Variants in CBL observed in about 807,000 individuals in gnomAD.
The protein encoded by CBL is E3 ubiquitin-protein ligase CBL.
Under a neutral mutation model 96.9 loss-of-function variants are expected in CBL, and 45 were observed. That is an observed-to-expected ratio of 0.46 (90% CI 0.37 to 0.60). The LOEUF (loss-of-function observed/expected upper bound fraction) is 0.60. Among genes scored for constraint, CBL ranks in the 20% least tolerant of loss-of-function variants. The probability of loss-of-function intolerance (pLI) is 0.00; values close to 1 mark genes in which losing one functional copy is unlikely to be tolerated. For synonymous variants in CBL, 420 were observed against 426.8 expected (o/e 0.98, Z 0.20); for missense variants, 1,024 against 1,143.5 (o/e 0.90, Z 1.51).
chr11:119,273,567 C>T (rs531022294), intron 3 of CBL, among the ~76,000 whole-genome samples: 20 of 152,242 alleles, frequency 1.3e-4, no homozygotes, highest in African/African-American at 4.6e-4. Flanking sequence ...ACTAATTAGT[C>T]TGGCTAATTT....
intron 12 of CBL, among the ~76,000 whole-genome samples, chr11:119,296,283 G>T (rs1271774405): frequency 6.6e-6 from 1 of 152,140 alleles, no homozygotes; most frequent in East Asian, 1.9e-4. Flanking sequence ...ATTTAGTGGG[G>T]TGTTTTTGTA....
At chr11:119,293,095 C>T (rs531782413) in intron 12 of CBL, among the ~76,000 whole-genome samples, 2 of 146,744 alleles carry the variant, frequency 1.4e-5, no homozygotes, top group African/African-American at 5.0e-5. Flanking sequence ...AAAAATGTAT[C>T]GATTCCATCC....
rs187396089 is a variant in CBL, at chr11:119,227,070, G to T, written c.196-5378G>T. ...ATTTGGGATTTTTCGACTTTATGATGGTGCAAAAGTGATAGCTATTCAGTG... is the reference window on the plus strand; with the variant it reads ...ATTTGGGATTTTTCGACTTTATGATTGTGCAAAAGTGATAGCTATTCAGTG... On this transcript the variant is annotated intron_variant, in intron 1 of 15. Coordinates refer to ENST00000264033, the MANE Select transcript of CBL (RefSeq NM_005188.4). 8.5e-4 allele frequency among the ~76,000 whole-genome samples: 130 copies of T among 152,218 alleles called. 1 individual carries two copies. Among genetic ancestry groups the T allele is most frequent in the African/African-American group, 3.0e-3 (126 of 41,536 alleles).
intron 1 of CBL, among the ~76,000 whole-genome samples, chr11:119,223,628 T>C (rs1193293841): frequency 6.6e-6 from 1 of 150,732 alleles, no homozygotes; most frequent in Non-Finnish European, 1.5e-5. Flanking sequence ...TTTATTTTAT[T>C]ATTTATTTAT....
At chr11:119,276,171 G>A (rs372514405) in intron 6 of CBL, 37 bp downstream of exon 6, 62 of 1,609,464 alleles carry the variant, frequency 3.9e-5, no homozygotes, top group Non-Finnish European at 5.3e-5. Flanking sequence ...TAGAGTCTGG[G>A]AACTTAGGGG....
At chr11:119,250,380 C>CT (rs1328108718) in intron 2 of CBL, among the ~76,000 whole-genome samples, 4 of 152,156 alleles carry the variant, frequency 2.6e-5, no homozygotes, top group African/African-American at 9.7e-5. Context: ...TAGCTGAAGA[C>CT]TTAGAAGGTC....
intron 2 of CBL, among the ~76,000 whole-genome samples, chr11:119,265,135 CCT>C (rs1473428640): frequency 6.6e-6 from 1 of 152,162 alleles, no homozygotes; most frequent in Non-Finnish European, 1.5e-5. Context: ...CCGGCCTCAG[CCT>C]CTCAAAGAGC....
chr11:119,216,339 A>T (rs958030221), intron 1 of CBL, among the ~76,000 whole-genome samples: 1 of 144,038 alleles, frequency 6.9e-6, no homozygotes, highest in African/African-American at 2.6e-5. Context: ...GACTTATTGT[A>T]ATTTATTTAT....
intron 14 of CBL, among the ~76,000 whole-genome samples, chr11:119,297,847 C>T (rs1264795276): frequency 2.0e-5 from 3 of 152,176 alleles, no homozygotes; most frequent in African/African-American, 7.2e-5. Flanking sequence ...ACTGCTGGTT[C>T]CTTTTGTGCT....
At chr11:119,284,906 G>A (rs2135309832) in intron 9 of CBL, 63 bp from the exon 10 acceptor site, 1 of 1,594,956 alleles carries the variant, frequency 6.3e-7, no homozygotes. Context: ...ACAGCTTTAG[G>A]AGAGTTGAAA....
At position 119,278,646 on chromosome 11, in the gene CBL, A is replaced by G. The variant is rs1565872426; in HGVS notation, c.1364A>G (p.Tyr455Cys). The change falls in exon 9 of 16, where the codon TAT (tyrosine) becomes TGT (cysteine). Residue 455 changes from tyrosine (Y) to cysteine (C), a missense_variant. Around this residue, in one of 4 missense-constraint regions of CBL, gnomAD observed 695 missense variants for 661.6 expected, o/e 1.05. Coordinates refer to ENST00000264033, the MANE Select transcript of CBL (RefSeq NM_005188.4). ...QGAEGAPSPN[Y>C]DDDDDERADD... ...GCAGAGGGAGCTCCCTCCCCAAATTATGATGATGATGATGATGAACGAGCT... is the reference window on the plus strand; with the variant it reads ...GCAGAGGGAGCTCCCTCCCCAAATTGTGATGATGATGATGATGAACGAGCT... The G allele has an allele frequency of 2.5e-6, 4 of 1,577,852 alleles. No homozygotes were observed. The highest frequency in any genetic ancestry group is 2.6e-6 in the Non-Finnish European group (3 of 1,149,356).
intron 2 of CBL, among the ~76,000 whole-genome samples, chr11:119,246,398 T>C (rs1195311769): frequency 2.0e-5 from 3 of 152,184 alleles, no homozygotes; most frequent in Admixed American, 1.3e-4. Context: ...CCCACAAATA[T>C]GTAGTTGGAA....
intron 12 of CBL, among the ~76,000 whole-genome samples, chr11:119,293,022 A>C (rs940135346): frequency 2.0e-5 from 3 of 152,198 alleles, no homozygotes; most frequent in Non-Finnish European, 4.4e-5. Context: ...GTAAAGTTGA[A>C]AAATTGTAAG....
At chr11:119,275,064 G>C in intron 5 of CBL, 111 bp downstream of exon 5, 1 of 1,097,588 alleles carries the variant, frequency 9.1e-7, no homozygotes, top group Non-Finnish European at 1.4e-6. Flanking sequence ...CCAAGGTTCT[G>C]CAATAGGATT....
chr11:119,262,261 A>G (rs936530421), intron 2 of CBL, among the ~76,000 whole-genome samples: 15 of 152,360 alleles, frequency 9.8e-5, no homozygotes, highest in African/African-American at 3.6e-4. Context: ...GGAAAGACTA[A>G]GAAATGATTA....
rs1474974670 is a variant in CBL at position 119,307,450 on chromosome 11, A to G, written c.*7669A>G. The G allele has an allele frequency of 4.7e-6, 1 of 213,192 alleles. No individual in the cohort carries two copies. The highest frequency in any genetic ancestry group is 9.3e-6 in the Non-Finnish European group (1 of 107,950). The allele number at this position is 213,192 out of a possible 1,614,324, so 13.2% of individuals were successfully genotyped here. A position where few individuals can be genotyped will look rare whatever the true frequency, so the allele number is the denominator to read the frequency against. On this transcript the variant is annotated 3_prime_UTR_variant, in exon 16 of 16. Transcript: ENST00000264033. ...CTCCTGCCCCCACCCCCCAGCCCCC[A>G]TCAGATGTGGCTGGCCTTTCATTTG...
intron 2 of CBL, among the ~76,000 whole-genome samples, chr11:119,268,412 AG>A (rs1422063854): frequency 2.0e-5 from 3 of 152,244 alleles, no homozygotes; most frequent in Non-Finnish European, 2.9e-5. Context: ...AAGATTCTTC[AG>A]GTTTTGAACT....
At chr11:119,223,346 G>C in intron 1 of CBL, among the ~76,000 whole-genome samples, 1 of 148,286 alleles carries the variant, frequency 6.7e-6, no homozygotes, top group South Asian at 2.1e-4. Flanking sequence ...TAAAATTTTT[G>C]GTTTTTATTT....
At chr11:119,258,899 C>G (rs1056997418) in intron 2 of CBL, among the ~76,000 whole-genome samples, 5 of 152,158 alleles carry the variant, frequency 3.3e-5, no homozygotes, top group Non-Finnish European at 5.9e-5. Flanking sequence ...CTGATTCTTC[C>G]AGTCCCTGAG....
Sources: allele counts gnomAD v4.1 joint callset (sites outside exome capture counted in the v4.1 genomes callset), GRCh38; gene constraint gnomAD v4.1.1; regional missense constraint gnomAD v4.1.1; transcripts MANE v1.5; gene names NCBI Gene and HGNC (gene_info 2026-07-23, HGNC 2026-07-21).